Variants in PCNX2 observed in about 807,000 individuals in gnomAD.
PCNX2 encodes the protein pecanex-like protein 2.
PCNX2 carries 168 observed loss-of-function variants against 223.8 expected under a neutral mutation model. That is an observed-to-expected ratio of 0.75 (90% CI 0.66 to 0.85). PCNX2 has a LOEUF of 0.85. Ranked by LOEUF, PCNX2 falls within the 40% of genes least tolerant of loss-of-function variation. PCNX2 has a pLI of 0.00. For missense variants in PCNX2, 2,507 were observed against 2,675.5 expected, an observed-to-expected ratio of 0.94 and a Z score of 1.39; for synonymous variants, 1,006 against 1,052.6, an observed-to-expected ratio of 0.96 and a Z score of 0.86.
chr1:233,194,017 A>AT (rs1239002271), intron 15 of PCNX2, among the ~76,000 whole-genome samples: 1 of 151,928 alleles, frequency 6.6e-6, no homozygotes, highest in Non-Finnish European at 1.5e-5. Flanking sequence ...ATGGCTAAAG[A>AT]TTTTCCAAAA....
intron 9 of PCNX2, among the ~76,000 whole-genome samples, chr1:233,228,583 A>G (rs1657880000): frequency 6.6e-6 from 1 of 152,144 alleles, no homozygotes; most frequent in Non-Finnish European, 1.5e-5. Flanking sequence ...TGACTGGCTT[A>G]TTCCACTCGG....
At chr1:233,256,203 C>T (rs1659724553) in intron 5 of PCNX2, among the ~76,000 whole-genome samples, 1 of 152,122 alleles carries the variant, frequency 6.6e-6, no homozygotes, top group Non-Finnish European at 1.5e-5. Context: ...AGCAAAAACT[C>T]AAGTAGGCAA....
chr1:233,214,080 G>T (rs920316374), intron 12 of PCNX2, among the ~76,000 whole-genome samples: 1 of 150,744 alleles, frequency 6.6e-6, no homozygotes, highest in African/African-American at 2.4e-5. Flanking sequence ...ACCCTCCTCG[G>T]CCTCCCAAAG....
chr1:233,163,492 G>A (rs10910666), intron 17 of PCNX2, among the ~76,000 whole-genome samples: 101,609 of 151,392 alleles, frequency 0.67, 34,218 homozygotes, highest in South Asian at 0.74. Flanking sequence ...TCTCAAAAAA[G>A]TAAAAGTATA....
intron 1 of PCNX2, chr1:233,284,926 T>C (rs1178927536): frequency 2.9e-5 from 28 of 975,032 alleles, no homozygotes; most frequent in Non-Finnish European, 3.3e-5. Flanking sequence ...GGGGGGATGA[T>C]AGCAAGTAAT....
At chr1:233,114,901 A>G (rs1311730021) in intron 21 of PCNX2, among the ~76,000 whole-genome samples, 4 of 151,814 alleles carry the variant, frequency 2.6e-5, no homozygotes, top group Non-Finnish European at 4.4e-5. Flanking sequence ...ACTTCCAGAA[A>G]CCCCACTAGG....
At chr1:233,325,504 AAAAAAAAAAAAACC>A in the PCNX2 span, among the ~76,000 whole-genome samples, 2 of 149,778 alleles carry the variant, frequency 1.3e-5, no homozygotes, top group Non-Finnish European at 3.0e-5. Context: ...TAAAAATACA[AAAAAAAAAAAAACC>A]AAAAAAAATT....
At chr1:233,045,289 C>T (rs781296655) in intron 25 of PCNX2, among the ~76,000 whole-genome samples, 1 of 152,196 alleles carries the variant, frequency 6.6e-6, no homozygotes, top group Non-Finnish European at 1.5e-5. Flanking sequence ...AAGCTCATAA[C>T]AATCTTCCAT....
intron 1 of PCNX2, chr1:233,290,698 T>C (rs1212506398): frequency 5.3e-6 from 5 of 947,928 alleles, no homozygotes; most frequent in Non-Finnish European, 6.3e-6. Context: ...GATAATCCTA[T>C]TAATTATAAT....
At chr1:233,112,035 G>A (rs1419014379) in intron 21 of PCNX2, among the ~76,000 whole-genome samples, 2 of 152,052 alleles carry the variant, frequency 1.3e-5, no homozygotes, top group African/African-American at 4.8e-5. Context: ...CTTCCTCCCT[G>A]GATGTTTCAA....
At chr1:233,295,974 T>C, upstream of PCNX2, among the ~76,000 whole-genome samples, 2 of 148,956 alleles carry the variant, frequency 1.3e-5, no homozygotes. The surrounding 1 kb of genome is among the most constrained non-coding windows in gnomAD (Gnocchi z 4.1). Context: ...CTCTCTTTCT[T>C]TCTCGCTCTT....
intron 23 of PCNX2, among the ~76,000 whole-genome samples, chr1:233,059,992 CT>C (rs1000746963): frequency 2.0e-5 from 3 of 152,096 alleles, no homozygotes; most frequent in African/African-American, 7.2e-5. Context: ...AGTATTCTTT[CT>C]TTTCATGTAT....
At chr1:233,202,837 C>T (rs1681203149) in intron 13 of PCNX2, among the ~76,000 whole-genome samples, 2 of 152,156 alleles carry the variant, frequency 1.3e-5, no homozygotes, top group South Asian at 4.1e-4. Flanking sequence ...GAGCAGAGGC[C>T]ATTTGATAAA....
Position 233,258,566 on chromosome 1 carries a change from G to A in PCNX2, c.1296C>T (p.Thr432=). 2 of 1,613,926 alleles carry A rather than the reference G, an allele frequency of 1.2e-6. No homozygotes were observed. Among genetic ancestry groups the A allele is most frequent in the Non-Finnish European group, 1.7e-6 (2 of 1,179,870 alleles). The part of the protein sequence containing the change: ...NAEQISIPVI[T]LDLPEGGGGG... The stretch of plus-strand genomic sequence containing the variant: ...CTCCCCCACCCTCAGGCAGGTCCAG[G>A]GTGATTACAGGAATTGAGATCTGCT... Residue 432 remains threonine (T), a synonymous_variant, in exon 5 of 34, where the codon ACC becomes ACT. Transcript: ENST00000258229.
Position 232,986,333 on chromosome 1 carries a change from G to A in PCNX2, c.5999C>T (p.Pro2000Leu). 1 of 1,593,968 alleles carries A rather than the reference G, an allele frequency of 6.3e-7. No homozygotes were observed. Among genetic ancestry groups the A allele is most frequent in the East Asian group, 2.3e-5 (1 of 44,004 alleles). ...SATSLHSQPP[P>L]VTTTGHLSVR... ...ACTCAGGTGGCCGGTGGTGGTGACGGGCGGGGGCTGAGAGTGCAGGGACGT... is the reference window on the plus strand; with the variant it reads ...ACTCAGGTGGCCGGTGGTGGTGACGAGCGGGGGCTGAGAGTGCAGGGACGT... The change falls in exon 33 of 34, where the codon CCC (proline) becomes CTC (leucine). Residue 2000 changes from proline (P) to leucine (L), a missense_variant. Pro to Leu is a moderately conservative substitution (Grantham distance 98, BLOSUM62 -3). This residue lies in a region of PCNX2 where 1,372 missense variants were observed against 1,509.4 expected (regional missense o/e 0.91). Transcript: ENST00000258229.
chr1:233,189,619 C>G (rs1470722392), intron 15 of PCNX2, among the ~76,000 whole-genome samples: 1 of 152,030 alleles, frequency 6.6e-6, no homozygotes, highest in Non-Finnish European at 1.5e-5. Flanking sequence ...ATTTTAAACC[C>G]TGAGTGCCTG....
At position 233,161,251 on chromosome 1, in the gene PCNX2, C is replaced by T; in HGVS notation, c.3366+20G>A. On this transcript the variant is annotated intron_variant, in intron 18 of 33. Coordinates refer to ENST00000258229, the MANE Select transcript of PCNX2 (RefSeq NM_014801.4). ...GGAGAATAAGGGGGCAGGAAGAGTA[C>T]AAAGTTGGTGGATACATACTCGCAA... 1 of 1,601,962 alleles carries T rather than the reference C, an allele frequency of 6.2e-7. No individual in the cohort carries two copies. The highest frequency in any genetic ancestry group is 8.6e-7 in the Non-Finnish European group (1 of 1,169,492).
chr1:233,033,549 T>C (rs1457895093), intron 25 of PCNX2, among the ~76,000 whole-genome samples: 1 of 152,186 alleles, frequency 6.6e-6, no homozygotes, highest in Non-Finnish European at 1.5e-5. Context: ...AGAGATGATA[T>C]CCCCAGGATC....
At chr1:233,158,789 T>C (rs908147533) in intron 19 of PCNX2, among the ~76,000 whole-genome samples, 5 of 152,152 alleles carry the variant, frequency 3.3e-5, no homozygotes, top group African/African-American at 9.7e-5. Flanking sequence ...CTCCACTAAT[T>C]TCACCAACAC....
Sources: gnomAD v4.1 joint callset for allele counts (sites outside exome capture counted in the v4.1 genomes callset) on GRCh38, gnomAD v4.1.1 for gene constraint, gnomAD v4.1.1 regional missense constraint, Gnocchi (gnomAD v3.1) non-coding constraint, MANE v1.5 for transcripts, NCBI Gene and HGNC (gene_info 2026-07-23, HGNC 2026-07-21) for gene names.